Variants in C2CD3 observed in about 807,000 individuals in gnomAD.
C2CD3 encodes the protein C2 domain-containing protein 3.
In C2CD3, 148 loss-of-function variants were observed where a neutral mutation model predicts 234.0. The observed-to-expected ratio is 0.63, with a 90% CI of 0.55 to 0.72. The LOEUF is 0.72. C2CD3 is among the 30% of genes least tolerant of loss of function. The pLI, the probability that C2CD3 is intolerant of heterozygous loss-of-function variation, is 0.00. For synonymous variants in C2CD3, 1,000 were observed against 1,035.4 expected, an observed-to-expected ratio of 0.97 and a Z score of 0.66; for missense variants, 2,577 against 2,811.5, an observed-to-expected ratio of 0.92 and a Z score of 1.89.
chr11:74,105,392 T>A (rs904771074), intron 13 of C2CD3, among the ~76,000 whole-genome samples: 2 of 152,118 alleles, frequency 1.3e-5, no homozygotes, highest in African/African-American at 4.8e-5. Context: ...TGTCTCAGCC[T>A]CCCGAGTAGC....
chr11:74,033,350 C>T lies in C2CD3; in HGVS notation c.6809+1G>A. On this transcript the variant is annotated splice_donor_variant, in intron 31 of 32. Coordinates refer to ENST00000334126, the MANE Select transcript of C2CD3 (RefSeq NM_001286577.2). LOFTEE classifies it high-confidence loss of function. ...CACTTGTGGGAAATGCCAAAGGATACAGCAGGAGGCTCTGCTTTGTGGACG... is the reference window on the plus strand; with the variant it reads ...CACTTGTGGGAAATGCCAAAGGATATAGCAGGAGGCTCTGCTTTGTGGACG... The T allele has an allele frequency of 6.5e-7, 1 of 1,535,366 alleles. No homozygotes were observed. The highest frequency in any genetic ancestry group is 8.7e-7 in the Non-Finnish European group (1 of 1,146,436).
At position 74,123,035 on chromosome 11, in the gene C2CD3, G is replaced by T. The variant is rs752993731; in HGVS notation, c.1318C>A (p.Pro440Thr). The T allele has an allele frequency of 1.2e-5, 20 of 1,613,268 alleles. No homozygotes were observed. The highest frequency in any genetic ancestry group is 1.7e-5 in the Non-Finnish European group (20 of 1,179,278). ...TCCAGAAGACTCTGGTCATACTGAG[G>T]GTCATTCAGCTCACTGATGCAATAC... is the stretch of plus-strand genomic sequence containing the variant. Reference protein sequence around the residue: ...DVYCISELNDPQYDQSLLENL... With the variant: ...DVYCISELNDTQYDQSLLENL... The change falls in exon 8 of 33, where the codon CCT (proline) becomes ACT (threonine). Residue 440 changes from proline (P) to threonine (T), a missense_variant. By Grantham distance (38) the Pro-to-Thr change is conservative. Coordinates refer to ENST00000334126, the MANE Select transcript of C2CD3 (RefSeq NM_001286577.2).
Position 74,095,286 on chromosome 11 carries a change from G to A in C2CD3, c.3102C>T (p.Tyr1034=). 1 of 1,613,774 alleles carries A rather than the reference G, an allele frequency of 6.2e-7. No individual in the cohort carries two copies. The highest frequency in any genetic ancestry group is 8.5e-7 in the Non-Finnish European group (1 of 1,179,766). ...TGGATTGAGAGTGTTGAACTGGAAA[G>A]TAGTACTGGACATAACAATCTGCTT... ...WGEADCYVQY[Y]FPVQHSQSSV... Residue 1034 remains tyrosine, a synonymous_variant, in exon 17 of 33, where the codon TAC becomes TAT. Coordinates refer to ENST00000334126, the MANE Select transcript of C2CD3 (RefSeq NM_001286577.2).
At chr11:74,053,089 C>T (rs1276248643) in intron 26 of C2CD3, among the ~76,000 whole-genome samples, 1 of 152,206 alleles carries the variant, frequency 6.6e-6, no homozygotes, top group African/African-American at 2.4e-5. Flanking sequence ...TGGTGAAGAA[C>T]AAACAGTGAA....
chr11:74,162,024 C>T (rs1462686995), intron 2 of C2CD3, among the ~76,000 whole-genome samples: 1 of 151,968 alleles, frequency 6.6e-6, no homozygotes, highest in Admixed American at 6.6e-5. Context: ...CTGTGTTGCC[C>T]AGGCTGGTCT....
chr11:74,051,460 C>G (rs1483306680), intron 26 of C2CD3, among the ~76,000 whole-genome samples: 1 of 152,122 alleles, frequency 6.6e-6, no homozygotes, highest in African/African-American at 2.4e-5. Flanking sequence ...CCTAAACATA[C>G]TTGAGGAGTG....
rs370938861 is a variant in C2CD3, at chr11:74,139,841, G to T, written c.484-13C>A. The T allele has an allele frequency of 1.2e-5, 19 of 1,523,112 alleles. No individual in the cohort carries two copies. In the African/African-American group the frequency reaches 2.6e-4, roughly 21 times the overall value. 94.3% of individuals were successfully genotyped at this position (1,523,112 alleles called of 1,614,324 possible). ...GGGCAAGTGAGACCTAAGAGAGACA[G>T]GTAGTATATGAGAAATTTTCTTTAG... On this transcript the variant is annotated splice_polypyrimidine_tract_variant and intron_variant, in intron 3 of 32. Coordinates refer to ENST00000334126, the MANE Select transcript of C2CD3 (RefSeq NM_001286577.2).
chr11:74,049,773 C>T (rs946416103), intron 26 of C2CD3, among the ~76,000 whole-genome samples: 1 of 147,014 alleles, frequency 6.8e-6, no homozygotes, highest in African/African-American at 2.7e-5. Context: ...GCACTTCATT[C>T]TCTCTCTCTC....
Position 74,141,384 on chromosome 11 carries a change from T to C in C2CD3, c.484-1556A>G, listed in dbSNP as rs147029726. The stretch of plus-strand genomic sequence containing the variant: ...TTAACAGCATCACATAAAATCCTGG[T>C]TGCTCAAACATAAATGCCAGGAAGT... On this transcript the variant is annotated intron_variant, in intron 3 of 32. Transcript: ENST00000334126. Among the ~76,000 whole-genome samples the C allele has an allele frequency of 1.9e-3, 285 of 152,342 alleles. 2 individuals carry two copies. The highest frequency in any genetic ancestry group is 6.5e-3 in the African/African-American group (271 of 41,582).
chr11:74,024,936 C>T (rs898545733), intron 32 of C2CD3, among the ~76,000 whole-genome samples: 1 of 152,116 alleles, frequency 6.6e-6, no homozygotes, highest in Non-Finnish European at 1.5e-5. Context: ...GACTGGTCAT[C>T]CGAACCAGGA....
At chr11:74,139,200 G>A (rs527401679) in intron 4 of C2CD3, among the ~76,000 whole-genome samples, 4 of 152,258 alleles carry the variant, frequency 2.6e-5, no homozygotes, top group South Asian at 2.1e-4. Context: ...ACAATAAAAC[G>A]AAGAGCTCAG....
chr11:74,076,941 C>T (rs1310980802), intron 23 of C2CD3, among the ~76,000 whole-genome samples: 1 of 152,100 alleles, frequency 6.6e-6, no homozygotes, highest in Admixed American at 6.6e-5. Flanking sequence ...ACTGTATTCT[C>T]CTATTAGACT....
chr11:74,157,828 A>G (rs1004722987), intron 3 of C2CD3, among the ~76,000 whole-genome samples: 2 of 152,208 alleles, frequency 1.3e-5, no homozygotes, highest in Non-Finnish European at 2.9e-5. Context: ...TATCTCATGC[A>G]TATCTATCAC....
chr11:74,031,881 G>C (rs1952533329), intron 31 of C2CD3, among the ~76,000 whole-genome samples: 1 of 152,184 alleles, frequency 6.6e-6, no homozygotes, highest in East Asian at 1.9e-4. Context: ...TGCACACAAG[G>C]AGGTCTATTT....
chr11:74,132,760 T>G (rs1344128452), intron 7 of C2CD3, 84 bp downstream of exon 7: 6 of 1,353,488 alleles, frequency 4.4e-6, no homozygotes, highest in Non-Finnish European at 6.2e-6. Context: ...GACATGTTAC[T>G]TTAGGAAGAT....
intron 6 of C2CD3, 100 bp downstream of exon 6, chr11:74,133,324 TA>T: frequency 9.6e-7 from 1 of 1,038,972 alleles, no homozygotes. Context: ...AATTATTTGA[TA>T]AGCATTTCCA....
rs758976902 is a variant in C2CD3 at position 74,054,591 on chromosome 11, T to C, written c.5155+16A>G. ...TTTTTACAAGCAAGCAGATATTCTTTTAACAGAGTTCATACCTCCTTTATG... is the reference window on the plus strand; with the variant it reads ...TTTTTACAAGCAAGCAGATATTCTTCTAACAGAGTTCATACCTCCTTTATG... On this transcript the variant is annotated intron_variant, in intron 26 of 32. Transcript: ENST00000334126. 13 of 1,513,912 alleles carry C rather than the reference T, an allele frequency of 8.6e-6. No individual in the cohort carries two copies. In the Admixed American group the frequency reaches 8.7e-5, roughly 10 times the overall value. 93.8% of individuals were successfully genotyped at this position (1,513,912 alleles called of 1,614,324 possible). A position where few individuals can be genotyped will look rare whatever the true frequency, so the allele number is the denominator to read the frequency against.
Position 74,083,932 on chromosome 11 carries a change from C to G in C2CD3, c.4000+949G>C, listed in dbSNP as rs1955517644. Among the ~76,000 whole-genome samples the G allele has an allele frequency of 4.6e-5, 7 of 152,272 alleles. No homozygotes were observed. In the South Asian group the frequency reaches 1.4e-3, roughly 32 times the overall value. On this transcript the variant is annotated intron_variant, in intron 22 of 32. Transcript: ENST00000334126. ...TAGAATTACCATTTGACCCAGCCATCCCATGACTGGGTATATACCCAAAGG... is the reference window on the plus strand; with the variant it reads ...TAGAATTACCATTTGACCCAGCCATGCCATGACTGGGTATATACCCAAAGG...
Position 74,170,832 on chromosome 11 carries a change from C to G in C2CD3, c.-40G>C. The G allele has an allele frequency of 6.2e-7, 1 of 1,614,008 alleles. No individual in the cohort carries two copies. The highest frequency in any genetic ancestry group is 8.5e-7 in the Non-Finnish European group (1 of 1,179,984). On this transcript the variant is annotated 5_prime_UTR_variant, in exon 1 of 33. Transcript: ENST00000334126. ...CTTCTTCACCAGCTCAACTCCGTCT[C>G]CAGCACCTAAGCAGTATCCTCCCGC...
Sources: gnomAD v4.1 joint callset for allele counts (sites outside exome capture counted in the v4.1 genomes callset) on GRCh38, gnomAD v4.1.1 for gene constraint, MANE v1.5 for transcripts, NCBI Gene and HGNC (gene_info 2026-07-23, HGNC 2026-07-21) for gene names.